Variants in WDR20 observed in about 807,000 individuals in gnomAD.
WDR20 encodes WD repeat domain 20, also known as WD repeat-containing protein 20.
Under a neutral mutation model 38.7 loss-of-function variants are expected in WDR20, and 3 were observed. The observed-to-expected ratio is 0.08, with a 90% CI of 0.04 to 0.20. WDR20 has a LOEUF of 0.20. Ranked by LOEUF, WDR20 falls within the 10% of genes least tolerant of loss-of-function variation. The probability of loss-of-function intolerance (pLI) is 1.00; values close to 1 mark genes in which losing one functional copy is unlikely to be tolerated. For synonymous variants in WDR20, 298 were observed against 285.6 expected (o/e 1.04, Z -0.44); for missense variants, 559 against 727.7 (o/e 0.77, Z 2.67).
downstream of WDR20, among the ~76,000 whole-genome samples, chr14:102,224,036 G>GTTTTTTTTTTTTTTTTTTTTTTTT (rs1184725386): frequency 1.4e-5 from 2 of 139,442 alleles, no homozygotes; most frequent in African/African-American, 5.4e-5. Context: ...GTTTACCTGA[G>GTTTTTTTTTTTTTTTTTTTTTTTT]ATTTTTTTTT....
intron 1 of WDR20, among the ~76,000 whole-genome samples, chr14:102,147,678 G>GAA (rs561003020): frequency 6.6e-6 from 1 of 152,174 alleles, no homozygotes; most frequent in African/African-American, 2.4e-5. Flanking sequence ...GGTGGATTTT[G>GAA]TCACTGAGTG....
chr14:102,216,945 T>G (rs117750532), downstream of WDR20, among the ~76,000 whole-genome samples: 50 of 152,134 alleles, frequency 3.3e-4, no homozygotes, highest in African/African-American at 1.1e-3. Flanking sequence ...AGAAAAAAAA[T>G]AGCCATTTCT....
intron 1 of WDR20, among the ~76,000 whole-genome samples, chr14:102,162,459 G>A (rs77821957): frequency 0.045 from 6,819 of 152,228 alleles, 188 homozygotes; most frequent in Middle Eastern, 0.068. Context: ...GTGCCTGTAC[G>A]TAGTAGGCAC....
At chr14:102,176,469 C>T (rs143408808) in intron 1 of WDR20, among the ~76,000 whole-genome samples, 1,536 of 151,412 alleles carry the variant, frequency 0.01, 34 homozygotes, top group East Asian at 0.057. Context: ...GAGGCCAAGG[C>T]GGGCGGATCA....
At chr14:102,195,842 T>G (rs1357577005) in intron 2 of WDR20, 1 of 152,244 alleles carries the variant, frequency 6.6e-6, no homozygotes, top group Non-Finnish European at 1.5e-5. Context: ...TATTGCTATT[T>G]CATATTTAAT....
rs115517131 is a variant in WDR20, at chr14:102,163,708, C to T, written c.249+23536C>T. Among the ~76,000 whole-genome samples the T allele has an allele frequency of 7.4e-3, 1,111 of 150,444 alleles. 21 individuals carry two copies. Among genetic ancestry groups the T allele is most frequent in the African/African-American group, 0.025 (1,038 of 40,978 alleles). ...AAATGGAGTAAGACAGTCACAACCT[C>T]CAATCTTATGTTGTTAGAATTCTTT... On this transcript the variant is annotated intron_variant, in intron 1 of 2. Coordinates refer to ENST00000342702, the MANE Select transcript of WDR20 (RefSeq NM_144574.4).
At chr14:102,151,581 C>T (rs1331167774) in intron 1 of WDR20, among the ~76,000 whole-genome samples, 9 of 151,270 alleles carry the variant, frequency 5.9e-5, no homozygotes, top group Admixed American at 5.3e-4. Context: ...TTGGTAGAGA[C>T]GAGGTCTTGC....
At position 102,223,030 on chromosome 14, in the gene WDR20, C is replaced by A; in HGVS notation, c.*147C>A. 3 of 872,846 alleles carry A rather than the reference C, an allele frequency of 3.4e-6. No individual in the cohort carries two copies. In the South Asian group the frequency reaches 4.8e-5, roughly 14 times the overall value. 54.1% of individuals were successfully genotyped at this position (872,846 alleles called of 1,614,324 possible). A position where few individuals can be genotyped will look rare whatever the true frequency, so the allele number is the denominator to read the frequency against. On this transcript the variant is annotated 3_prime_UTR_variant, in exon 4 of 4. Coordinates refer to the WDR20 transcript ENST00000335263. ...AGCCGTGTGGACGGTGACCGGCTCA[C>A]TCTGCGGCGCCGTGCTCCCGCTGCT...
Position 102,161,621 on chromosome 14 carries a change from G to T in WDR20, c.249+21449G>T, listed in dbSNP as rs77106951. 3.9e-3 allele frequency among the ~76,000 whole-genome samples: 588 copies of T among 152,184 alleles called. 9 individuals carry two copies. In the East Asian group the frequency reaches 0.049, roughly 13 times the overall value. The stretch of plus-strand genomic sequence containing the variant: ...CATTCAAACTGTTTAAATTTTAAAG[G>T]GGTGTATTGGTGTATGTCACTGAAA... On this transcript the variant is annotated intron_variant, in intron 1 of 2. Coordinates refer to ENST00000342702, the MANE Select transcript of WDR20 (RefSeq NM_144574.4).
intron 1 of WDR20, among the ~76,000 whole-genome samples, chr14:102,153,459 A>G (rs547850671): frequency 2.0e-3 from 298 of 151,432 alleles, no homozygotes; most frequent in Non-Finnish European, 3.0e-3. Context: ...GGCGCCCACC[A>G]CCACGCCTGG....
rs1454116478 is a variant in WDR20 at position 102,208,917 on chromosome 14, T to C, written c.747T>C (p.Phe249=). The change falls in exon 3 of 3, where the codon TTT becomes TTC. Residue 249 remains phenylalanine (F), a synonymous_variant. Transcript: ENST00000342702. This position sits in a 1 kb window ranked among gnomAD's most constrained non-coding sequence, Gnocchi z 5.6. ...SQDGFLRVFN[F]DSVELHGTMK... is the part of the protein sequence containing the mutation. ...ACGGGTTTCTGCGGGTGTTCAACTTTGACTCAGTGGAGCTGCACGGTACGA... is the reference window on the plus strand; with the variant it reads ...ACGGGTTTCTGCGGGTGTTCAACTTCGACTCAGTGGAGCTGCACGGTACGA... The C allele has an allele frequency of 1.9e-6, 3 of 1,614,220 alleles. No individual in the cohort carries two copies. Among genetic ancestry groups the C allele is most frequent in the Non-Finnish European group, 2.5e-6 (3 of 1,180,036 alleles).
intron 1 of WDR20, 65 bp from the exon 2 acceptor site, chr14:102,194,873 G>C (rs1024493007): frequency 1.3e-6 from 2 of 1,494,070 alleles, no homozygotes; most frequent in African/African-American, 2.8e-5. Context: ...GTATAAAGTA[G>C]CATAACTTAG....
intron 1 of WDR20, among the ~76,000 whole-genome samples, chr14:102,157,574 C>G (rs1595978960): frequency 6.6e-6 from 1 of 152,124 alleles, no homozygotes; most frequent in African/African-American, 2.4e-5. Flanking sequence ...GGACTCTGTT[C>G]CATTTGGTTC....
chr14:102,210,650 C>A, downstream of WDR20: 2 of 549,338 alleles, frequency 3.6e-6, no homozygotes, highest in Non-Finnish European at 2.3e-6. Context: ...TGCCTCTTGC[C>A]ACATAAGCGA....
At chr14:102,214,795 A>G (rs1416593469), downstream of WDR20, 1 of 979,108 alleles carries the variant, frequency 1.0e-6, no homozygotes, top group African/African-American at 1.8e-5. Context: ...TAAATTCTTT[A>G]CTGTTGCAAT....
In WDR20 at chr14:102,139,917, T is replaced by C. The variant is rs2050266123; in HGVS notation, c.-7T>C. The stretch of plus-strand genomic sequence containing the variant: ...CACTTAGGGCAGGATGAACGCTGCT[T>C]TCCAAGATGGCGACGGAGGGAGGAG... On this transcript the variant is annotated 5_prime_UTR_variant, in exon 1 of 3. Transcript: ENST00000342702. 1 of 1,611,824 alleles carries C rather than the reference T, an allele frequency of 6.2e-7. No homozygotes were observed. Among genetic ancestry groups the C allele is most frequent in the East Asian group, 2.2e-5 (1 of 44,814 alleles).
chr14:102,139,495 C>T, upstream of WDR20: 1 of 1,359,860 alleles, frequency 7.4e-7, no homozygotes. Flanking sequence ...GTCCCGGCGC[C>T]CCTCAGGGCA....
At chr14:102,217,991 T>G (rs2063430642), downstream of WDR20, among the ~76,000 whole-genome samples, 1 of 152,208 alleles carries the variant, frequency 6.6e-6, no homozygotes, top group Non-Finnish European at 1.5e-5. Context: ...GCCTTCTCCC[T>G]CTGGGGGACG....
In WDR20 at chr14:102,220,953, G is replaced by A. The variant is rs1039494747; in HGVS notation, c.1693-1877G>A. On this transcript the variant is annotated intron_variant, in intron 3 of 3. Transcript: ENST00000335263. The surrounding 1 kb of genome is among the most constrained non-coding windows in gnomAD (Gnocchi z 4.2). ...ACCCGGCTAATTTTGTATTAGTAGA[G>A]ATGGAGTTTCACCATGTTGGCCAGG... Among the ~76,000 whole-genome samples, 2 of 152,188 alleles carry A rather than the reference G, an allele frequency of 1.3e-5. No homozygotes were observed. Among genetic ancestry groups the A allele is most frequent in the Non-Finnish European group, 2.9e-5 (2 of 68,000 alleles).
Sources: gnomAD v4.1 joint callset for allele counts (sites outside exome capture counted in the v4.1 genomes callset) on GRCh38, gnomAD v4.1.1 for gene constraint, Gnocchi (gnomAD v3.1) non-coding constraint, MANE v1.5 for transcripts, NCBI Gene and HGNC (gene_info 2026-07-23, HGNC 2026-07-21) for gene names.